Variants in RNF139 observed in about 807,000 individuals in gnomAD.
RNF139 encodes ring finger protein 139, also known as E3 ubiquitin-protein ligase RNF139.
RNF139 carries 15 observed loss-of-function variants against 49.5 expected under a neutral mutation model. The ratio of observed to expected loss-of-function variants is 0.30; its 90% CI spans 0.20 to 0.47. The LOEUF is 0.47. Among genes scored for constraint, RNF139 ranks in the 20% least tolerant of loss-of-function variants. The pLI is 1.00. For synonymous variants in RNF139, 325 were observed against 300.9 expected (o/e 1.08, Z -0.83); for missense variants, 619 against 806.3 (o/e 0.77, Z 2.81).
At chr8:124,475,317 C>T (rs776336307) in intron 1 of RNF139, 27 bp downstream of exon 1, 2 of 1,589,182 alleles carry the variant, frequency 1.3e-6, no homozygotes, top group Non-Finnish European at 1.7e-6. Context: ...CCGTACGTCC[C>T]GGGACGGCTA....
chr8:124,484,381 A>G (rs1408054476), intron 1 of RNF139, among the ~76,000 whole-genome samples: 2 of 152,180 alleles, frequency 1.3e-5, no homozygotes, highest in African/African-American at 4.8e-5. Context: ...TTGTAAATGG[A>G]TTTGGACAAG....
At chr8:124,478,339 G>A (rs1482949673) in intron 1 of RNF139, among the ~76,000 whole-genome samples, 1 of 152,008 alleles carries the variant, frequency 6.6e-6, no homozygotes. Flanking sequence ...TGTCAAGACC[G>A]CTTACGGTGG....
In RNF139 at chr8:124,487,024, G is replaced by C. The variant is rs1194528705; in HGVS notation, c.1375G>C (p.Asp459His). The change falls in exon 2 of 2, where the codon GAT becomes CAT. Residue 459 changes from aspartate to histidine, a missense_variant. Transcript: ENST00000303545. ...TAATGTCCTCTGGGAAAAGCTTGAC[G>C]ATTATGTCTACTACGTTCGTTCAAC... ...YYNVLWEKLD[D>H]YVYYVRSTGS... is the part of the protein sequence containing the mutation. 1 of 1,613,850 alleles carries C rather than the reference G, an allele frequency of 6.2e-7. No individual in the cohort carries two copies. The highest frequency in any genetic ancestry group is 8.5e-7 in the Non-Finnish European group (1 of 1,179,982).
In RNF139 at chr8:124,486,144, C is replaced by T. The variant is rs1400956207; in HGVS notation, c.495C>T (p.Gly165=). The T allele has an allele frequency of 1.9e-6, 3 of 1,614,056 alleles. No homozygotes were observed. The highest frequency in any genetic ancestry group is 4.5e-5 in the East Asian group (2 of 44,892). The change falls in exon 2 of 2, where the codon GGC becomes GGT. Residue 165 remains glycine (G), a synonymous_variant. Transcript: ENST00000303545. ...IILDLLVPVI[G]LITELPLHIR... ...TGGATCTCTTGGTTCCTGTAATAGG[C>T]TTAATCACAGAGCTACCATTACACA...
intron 1 of RNF139, among the ~76,000 whole-genome samples, chr8:124,482,568 G>A (rs1227652293): frequency 1.3e-5 from 2 of 151,938 alleles, no homozygotes; most frequent in African/African-American, 4.8e-5. Flanking sequence ...ATTACATATG[G>A]CATCTGGTAG....
intron 1 of RNF139, among the ~76,000 whole-genome samples, chr8:124,485,515 G>A (rs907104948): frequency 1.3e-5 from 2 of 152,164 alleles, no homozygotes; most frequent in Non-Finnish European, 2.9e-5. Context: ...TAAAATGTAT[G>A]TACCACTACA....
At position 124,485,935 on chromosome 8, in the gene RNF139, AATT is replaced by A. The variant is rs774333710; in HGVS notation, c.292_294del (p.Tyr98del). 8 of 1,614,188 alleles carry A rather than the reference AATT, an allele frequency of 5.0e-6. No individual in the cohort carries two copies. The highest frequency in any genetic ancestry group is 2.5e-6 in the Non-Finnish European group (3 of 1,180,024). ...GTTAGCTGCAACTTCAGTGTTGGTG[AATT>A]ATTATGCTTCTTTGCACATTGACTT... On this transcript the variant is annotated inframe_deletion, in exon 2 of 2. Coordinates refer to ENST00000303545, the MANE Select transcript of RNF139 (RefSeq NM_007218.4).
intron 1 of RNF139, among the ~76,000 whole-genome samples, chr8:124,479,212 T>C (rs1816365058): frequency 1.3e-5 from 2 of 152,196 alleles, no homozygotes; most frequent in Admixed American, 1.3e-4. Context: ...TGCCTCAGCC[T>C]CCCAAGTAGC....
At position 124,487,869 on chromosome 8, in the gene RNF139, T is replaced by C. The variant is rs1816568811; in HGVS notation, c.*225T>C. The C allele has an allele frequency of 2.3e-6, 1 of 443,662 alleles. No homozygotes were observed. The highest frequency in any genetic ancestry group is 2.0e-5 in the African/African-American group (1 of 50,292). 27.5% of individuals were successfully genotyped at this position (443,662 alleles called of 1,614,324 possible). On this transcript the variant is annotated 3_prime_UTR_variant, in exon 2 of 2. Coordinates refer to ENST00000303545, the MANE Select transcript of RNF139 (RefSeq NM_007218.4). Reference sequence around the variant, plus strand: ...TTAAATTTGTGTACATTATTGTACATAGAATAAAATGTTTTCACATTTTTA... The same window carrying C: ...TTAAATTTGTGTACATTATTGTACACAGAATAAAATGTTTTCACATTTTTA...
intron 1 of RNF139, among the ~76,000 whole-genome samples, chr8:124,484,694 T>C (rs2131305207): frequency 6.6e-6 from 1 of 152,302 alleles, no homozygotes; most frequent in South Asian, 2.1e-4. Context: ...TTTATTGTAA[T>C]CCTACTTAAA....
chr8:124,483,059 A>T lies in RNF139; in HGVS notation c.182-2772A>T, dbSNP rs1183501592. On this transcript the variant is annotated intron_variant, in intron 1 of 1. Transcript: ENST00000303545. The stretch of plus-strand genomic sequence containing the variant: ...TATATATTTAAAAATATATCTATTA[A>T]AAATATATATATATTATTTAAATAT... Among the ~76,000 whole-genome samples, 14 of 10,884 alleles carry T rather than the reference A, an allele frequency of 1.3e-3. 2 individuals are homozygous for T. The highest frequency in any genetic ancestry group is 2.2e-3 in the Non-Finnish European group (13 of 5,954). The allele number at this position is 10,884 out of a possible 152,430, so 7.1% of individuals were successfully genotyped here. A position where few individuals can be genotyped will look rare whatever the true frequency, so the allele number is the denominator to read the frequency against.
intron 1 of RNF139, 116 bp from the exon 2 acceptor site, chr8:124,485,715 T>A: frequency 1.1e-6 from 1 of 910,810 alleles, no homozygotes; most frequent in Non-Finnish European, 1.6e-6. Flanking sequence ...TGAGGCTTAA[T>A]GTTCATAACT....
chr8:124,478,515 C>T (rs1816348415), intron 1 of RNF139, among the ~76,000 whole-genome samples: 1 of 147,152 alleles, frequency 6.8e-6, no homozygotes, highest in Admixed American at 6.9e-5. Context: ...GGCTGAGGCA[C>T]GAGAATCTCT....
chr8:124,483,052 TCTATTAAAA>T (rs1816465060), intron 1 of RNF139, among the ~76,000 whole-genome samples: 1 of 49,188 alleles, frequency 2.0e-5, no homozygotes, highest in Non-Finnish European at 3.6e-5. Context: ...TAAAAATATA[TCTATTAAAA>T]ATATATATAT....
Position 124,486,840 on chromosome 8 carries a change from T to A in RNF139, c.1191T>A (p.Ala397=), listed in dbSNP as rs1816541487. The A allele has an allele frequency of 1.2e-6, 2 of 1,613,898 alleles. No individual in the cohort carries two copies. Among genetic ancestry groups the A allele is most frequent in the Non-Finnish European group, 1.7e-6 (2 of 1,180,004 alleles). ...RRHFPVLFVS[A]CLFILPVLLS... ...ATTTTCCTGTGCTGTTTGTCTCTGC[T>A]TGCCTGTTTATTCTTCCTGTCTTAC... The change falls in exon 2 of 2, where the codon GCT becomes GCA. Residue 397 remains alanine (A), a synonymous_variant. Transcript: ENST00000303545.
intron 1 of RNF139, 142 bp downstream of exon 1, chr8:124,475,432 C>A: frequency 2.4e-6 from 2 of 848,964 alleles, no homozygotes; most frequent in Non-Finnish European, 1.8e-6. Flanking sequence ...GTCGTCTTTA[C>A]GGGTTGGGAG....
rs13278060 is a variant in RNF139 at position 124,485,762 on chromosome 8, C to A, written c.182-69C>A. The A allele has an allele frequency of 7.7e-3, 9,845 of 1,282,138 alleles. 80 individuals are homozygous for A. Among genetic ancestry groups the A allele is most frequent in the Non-Finnish European group, 7.6e-3 (7,013 of 927,758 alleles). 79.4% of individuals were successfully genotyped at this position (1,282,138 alleles called of 1,614,324 possible). A position where few individuals can be genotyped will look rare whatever the true frequency, so the allele number is the denominator to read the frequency against. The stretch of plus-strand genomic sequence containing the variant: ...TATTTCCTAATTAAAGGAAGAATAT[C>A]ATAACTCTTAGTGGGGAAACATTCT... On this transcript the variant is annotated intron_variant, in intron 1 of 1. Transcript: ENST00000303545.
In RNF139 at chr8:124,487,654, CATTT is replaced by C. The variant is rs1169871126; in HGVS notation, c.*14_*17del. 4 of 1,577,992 alleles carry C rather than the reference CATTT, an allele frequency of 2.5e-6. No homozygotes were observed. The highest frequency in any genetic ancestry group is 1.4e-5 in the African/African-American group (1 of 73,480). ...TGATGATACTGACTGATGAAAATAG[CATTT>C]ATTAATGATTGAGGTATTTGTTTAA... On this transcript the variant is annotated 3_prime_UTR_variant, in exon 2 of 2. Coordinates refer to ENST00000303545, the MANE Select transcript of RNF139 (RefSeq NM_007218.4).
chr8:124,481,446 G>C (rs1408900493), intron 1 of RNF139, among the ~76,000 whole-genome samples: 3 of 151,778 alleles, frequency 2.0e-5, no homozygotes, highest in Non-Finnish European at 4.4e-5. Context: ...GAAACACTTT[G>C]TTATGTAACA....
Sources: allele counts gnomAD v4.1 joint callset (sites outside exome capture counted in the v4.1 genomes callset), GRCh38; gene constraint gnomAD v4.1.1; transcripts MANE v1.5; gene names NCBI Gene and HGNC (gene_info 2026-07-23, HGNC 2026-07-21).